MTSS1: variants seen among roughly 807,000 people sequenced by gnomAD.
MTSS1 encodes MTSS I-BAR domain containing 1, also known as protein MTSS 1.
MTSS1 carries 18 observed loss-of-function variants against 79.0 expected under a neutral mutation model. That is an observed-to-expected ratio of 0.23 (90% CI 0.16 to 0.34). The LOEUF (loss-of-function observed/expected upper bound fraction) is 0.34. Among genes scored for constraint, MTSS1 ranks in the 10% least tolerant of loss-of-function variants. The probability of loss-of-function intolerance (pLI) is 1.00; values close to 1 mark genes in which losing one functional copy is unlikely to be tolerated. For missense variants in MTSS1, 815 were observed against 986.2 expected (o/e 0.83, Z 2.33); for synonymous variants, 341 against 368.6 (o/e 0.93, Z 0.86).
intron 4 of MTSS1, among the ~76,000 whole-genome samples, chr8:124,590,202 T>C (rs1392834187): frequency 2.0e-5 from 3 of 152,192 alleles, no homozygotes; most frequent in Non-Finnish European, 4.4e-5. Context: ...ATGTGACTGG[T>C]GGGAGTGACC....
At position 124,625,535 on chromosome 8, in the gene MTSS1, CA is replaced by C. The variant is rs1485727444; in HGVS notation, c.209-34301del. Among the ~76,000 whole-genome samples the C allele has an allele frequency of 2.6e-5, 4 of 152,178 alleles. No individual in the cohort carries two copies. In the East Asian group the frequency reaches 7.7e-4, roughly 29 times the overall value. ...TTTCGGACACAGACGTTCAGTTCTCCAACACAGGCGGCTTTCATGGCGAAGT... is the reference window on the plus strand; with the variant it reads ...TTTCGGACACAGACGTTCAGTTCTCCACACAGGCGGCTTTCATGGCGAAGT... On this transcript the variant is annotated intron_variant, in intron 3 of 13. Coordinates refer to ENST00000518547, the MANE Select transcript of MTSS1 (RefSeq NM_014751.6).
chr8:124,587,208 C>T (rs369029167), intron 5 of MTSS1, among the ~76,000 whole-genome samples: 17 of 152,286 alleles, frequency 1.1e-4, no homozygotes, highest in East Asian at 3.9e-4. Context: ...AGGGCCTCAA[C>T]GAGTCCCTGG....
intron 3 of MTSS1, among the ~76,000 whole-genome samples, chr8:124,692,898 T>A (rs1828191264): frequency 6.6e-6 from 1 of 152,026 alleles, no homozygotes; most frequent in Admixed American, 6.6e-5. Context: ...TCTGGGAAAG[T>A]GAGTTCCTCA....
intron 1 of MTSS1, among the ~76,000 whole-genome samples, chr8:124,718,886 A>T (rs1373217206): frequency 6.6e-6 from 1 of 152,170 alleles, no homozygotes; most frequent in Non-Finnish European, 1.5e-5. Flanking sequence ...CTGGCCCAAC[A>T]ACTTCATGTC....
chr8:124,585,115 C>T lies in MTSS1; in HGVS notation c.432G>A (p.Thr144=), dbSNP rs142336407. ...TTTTTGCTTTCTTCTGCAGTTTCAG[C>T]GTATCCGAGGACTTCTTTTTTATCT... ...RQEIKKKSSD[T]LKLQKKAKKG... The change falls in exon 6 of 14, where the codon ACG becomes ACA. Residue 144 remains threonine, a synonymous_variant. Transcript: ENST00000518547. The T allele has an allele frequency of 3.2e-5, 51 of 1,613,384 alleles. No homozygotes were observed. Among genetic ancestry groups the T allele is most frequent in the Middle Eastern group, 1.6e-4 (1 of 6,084 alleles).
intron 3 of MTSS1, among the ~76,000 whole-genome samples, chr8:124,665,564 A>AT (rs574655688): frequency 5.9e-5 from 9 of 151,418 alleles, no homozygotes; most frequent in Middle Eastern, 3.4e-3. Flanking sequence ...CAGCCTAGCT[A>AT]TAAAAAAAAT....
At chr8:124,581,287 CAAAA>C (rs10616707) in intron 6 of MTSS1, among the ~76,000 whole-genome samples, 2 of 100,910 alleles carry the variant, frequency 2.0e-5, no homozygotes, top group Admixed American at 1.1e-4. Context: ...GATGCTGACT[CAAAA>C]AAAAAAAAAA....
At chr8:124,604,606 A>T (rs73704109) in intron 3 of MTSS1, among the ~76,000 whole-genome samples, 13,061 of 151,442 alleles carry the variant, frequency 0.086, 1,792 homozygotes, top group African/African-American at 0.29. Flanking sequence ...TTTTTTTTTT[A>T]AAAAACCTGT....
At chr8:124,556,120 G>A (rs1478489999) in intron 12 of MTSS1, 112 bp downstream of exon 12, 5 of 1,568,000 alleles carry the variant, frequency 3.2e-6, no homozygotes, top group Non-Finnish European at 4.3e-6. Context: ...AGGGAATGGA[G>A]CCCAGGTCCC....
intron 3 of MTSS1, among the ~76,000 whole-genome samples, chr8:124,636,323 G>A (rs1020623468): frequency 6.6e-6 from 1 of 152,180 alleles, no homozygotes; most frequent in African/African-American, 2.4e-5. Flanking sequence ...TTGAGATGGG[G>A]TTTCACCATG....
intron 3 of MTSS1, among the ~76,000 whole-genome samples, chr8:124,608,882 G>A (rs1210096699): frequency 6.6e-6 from 1 of 152,158 alleles, no homozygotes; most frequent in African/African-American, 2.4e-5. Context: ...CTGGGCCTAG[G>A]ATCTCAAAAG....
At chr8:124,725,355 C>CGTTT (rs10629955) in intron 1 of MTSS1, among the ~76,000 whole-genome samples, 25 of 151,804 alleles carry the variant, frequency 1.6e-4, no homozygotes, top group African/African-American at 6.0e-4. Flanking sequence ...GAAATTATTC[C>CGTTT]TTTTATTGTT....
intron 1 of MTSS1, among the ~76,000 whole-genome samples, chr8:124,711,965 GC>G (rs1466822518): frequency 6.7e-5 from 10 of 149,978 alleles, no homozygotes; most frequent in African/African-American, 2.5e-4. Context: ...CCGAGATCAC[GC>G]CACTGCACTC....
At chr8:124,567,285 A>C (rs1053816930) in intron 7 of MTSS1, 107 bp from the exon 8 acceptor site, 13 of 940,884 alleles carry the variant, frequency 1.4e-5, no homozygotes, top group African/African-American at 3.3e-5. Flanking sequence ...TCAGTTTTTC[A>C]GAAAAGGCAC....
chr8:124,697,513 A>G (rs539013887), intron 3 of MTSS1, among the ~76,000 whole-genome samples: 47 of 151,986 alleles, frequency 3.1e-4, no homozygotes, highest in Non-Finnish European at 5.9e-4. Context: ...GTGAGCCAAG[A>G]TTGCGCCATT....
At chr8:124,669,608 T>C (rs7016031) in intron 3 of MTSS1, among the ~76,000 whole-genome samples, 26,219 of 152,192 alleles carry the variant, frequency 0.17, 3,583 homozygotes, top group African/African-American at 0.37. Flanking sequence ...CAGCCAAAAA[T>C]GAGTCAAAGA....
chr8:124,720,487 C>A (rs1414948495), intron 1 of MTSS1, among the ~76,000 whole-genome samples: 2 of 152,174 alleles, frequency 1.3e-5, no homozygotes, highest in Non-Finnish European at 2.9e-5. Context: ...ACTTTCCCTC[C>A]CCCAGGCCTC....
In MTSS1 at chr8:124,553,658, G is replaced by A. The variant is rs746919276; in HGVS notation, c.1602C>T (p.Asp534=). 11 of 1,613,540 alleles carry A rather than the reference G, an allele frequency of 6.8e-6. No individual in the cohort carries two copies. In the South Asian group the frequency reaches 1.2e-4, roughly 18 times the overall value. Residue 534 remains aspartate, a synonymous_variant, in exon 14 of 14, where the codon GAC becomes GAT. Coordinates refer to ENST00000518547, the MANE Select transcript of MTSS1 (RefSeq NM_014751.6). The surrounding 1 kb of genome is among the most constrained non-coding windows in gnomAD (Gnocchi z 6.0). ...SDYDYFSVSG[D]QEADQQEFDK... is the part of the protein sequence containing the mutation. ...CGAACTCCTGCTGATCTGCCTCCTG[G>A]TCACCACTTACAGAGAAATAATCAT... is the stretch of plus-strand genomic sequence containing the variant.
At chr8:124,562,663 G>T in intron 10 of MTSS1, 119 bp downstream of exon 10, 3 of 968,750 alleles carry the variant, frequency 3.1e-6, no homozygotes, top group Non-Finnish European at 4.6e-6. Flanking sequence ...TAAACCAGAG[G>T]TTTCTCAAGT....
Sources: allele counts gnomAD v4.1 joint callset (sites outside exome capture counted in the v4.1 genomes callset), GRCh38; gene constraint gnomAD v4.1.1; non-coding constraint Gnocchi (gnomAD v3.1); transcripts MANE v1.5; gene names NCBI Gene and HGNC (gene_info 2026-07-23, HGNC 2026-07-21).